The following GRIN2A variants were observed in gnomAD, a reference collection of about 807,000 sequenced individuals.
GRIN2A encodes glutamate receptor ionotropic, NMDA 2A.
Under a neutral mutation model 113.4 loss-of-function variants are expected in GRIN2A, and 22 were observed. The ratio of observed to expected loss-of-function variants is 0.19; its 90% confidence interval spans 0.14 to 0.28. GRIN2A has a LOEUF of 0.28. GRIN2A is among the 10% of genes least tolerant of loss of function. The pLI, the probability that GRIN2A is intolerant of heterozygous loss-of-function variation, is 1.00. For synonymous variants in GRIN2A, 827 were observed against 738.4 expected (o/e 1.12, Z -1.94); for missense variants, 1,502 against 1,887.0 (o/e 0.80, Z 3.78).
intron 2 of GRIN2A, among the ~76,000 whole-genome samples, chr16:10,065,040 A>G (rs1324940080): frequency 1.3e-5 from 2 of 152,220 alleles, no homozygotes; most frequent in African/African-American, 4.8e-5. Flanking sequence ...CATGCAAAAA[A>G]TTACAGGGAA....
chr16:10,169,430 T>A (rs144769475), intron 2 of GRIN2A, among the ~76,000 whole-genome samples: 1 of 152,190 alleles, frequency 6.6e-6, no homozygotes, highest in East Asian at 1.9e-4. Context: ...TCATTGTTGT[T>A]TGAGCAGTGG....
At chr16:10,179,143 C>T (rs1341887771) in intron 2 of GRIN2A, among the ~76,000 whole-genome samples, 1 of 152,152 alleles carries the variant, frequency 6.6e-6, no homozygotes, top group Non-Finnish European at 1.5e-5. Flanking sequence ...AGCTCCCAGG[C>T]TGTCCACAAA....
intron 3 of GRIN2A, among the ~76,000 whole-genome samples, chr16:9,892,862 C>A (rs990447017): frequency 6.9e-6 from 1 of 144,610 alleles, no homozygotes; most frequent in Admixed American, 7.1e-5. Context: ...TTGAAGCATT[C>A]AAAGACTTCC....
rs1300596915 is a variant in GRIN2A, at chr16:9,756,589, GGTT to G, written c.*6557_*6559del. The stretch of plus-strand genomic sequence containing the variant: ...ACTAGCTAATTCTAGTTGCTGACGA[GGTT>G]GAGAAAAACCTGAGCCTCAGTTTCC... On this transcript the variant is annotated 3_prime_UTR_variant, in exon 13 of 13. Coordinates refer to ENST00000330684, the MANE Select transcript of GRIN2A (RefSeq NM_001134407.3). 5.0e-6 allele frequency: 1 copy of G among 200,188 alleles called. No individual in the cohort carries two copies. The highest frequency in any genetic ancestry group is 1.0e-5 in the Non-Finnish European group (1 of 97,118). The allele number at this position is 200,188 out of a possible 1,614,324, so 12.4% of individuals were successfully genotyped here.
intron 2 of GRIN2A, among the ~76,000 whole-genome samples, chr16:10,141,000 C>T (rs979375349): frequency 1.3e-5 from 2 of 151,998 alleles, no homozygotes; most frequent in African/African-American, 2.4e-5. Context: ...TTGAGACCAG[C>T]CTGGGCAACA....
chr16:10,173,595 G>A (rs2050085984), intron 2 of GRIN2A, among the ~76,000 whole-genome samples: 1 of 152,222 alleles, frequency 6.6e-6, no homozygotes, highest in Non-Finnish European at 1.5e-5. Flanking sequence ...CGGAGCCAAT[G>A]ACTAGATTCA....
At chr16:10,092,899 C>T (rs139914856) in intron 2 of GRIN2A, among the ~76,000 whole-genome samples, 7 of 150,236 alleles carry the variant, frequency 4.7e-5, no homozygotes, top group African/African-American at 1.7e-4. Flanking sequence ...AGTGCAATGC[C>T]ACAATCTTGG....
chr16:9,890,897 A>T, intron 4 of GRIN2A, 89 bp downstream of exon 4: 2 of 841,174 alleles, frequency 2.4e-6, no homozygotes, highest in Non-Finnish European at 4.1e-6. Context: ...GCTCAACAGG[A>T]AATGCGTGGG....
At chr16:10,110,703 G>A (rs1425323923) in intron 2 of GRIN2A, among the ~76,000 whole-genome samples, 2 of 152,186 alleles carry the variant, frequency 1.3e-5, no homozygotes, top group Non-Finnish European at 2.9e-5. Flanking sequence ...ATCCTACTCC[G>A]TTTTCCTCCT....
chr16:9,803,648 AT>A (rs1458547499), intron 10 of GRIN2A, among the ~76,000 whole-genome samples: 2 of 152,166 alleles, frequency 1.3e-5, no homozygotes, highest in African/African-American at 4.8e-5. Context: ...GCATTATTAT[AT>A]TTTTTGGTCC....
intron 4 of GRIN2A, among the ~76,000 whole-genome samples, chr16:9,885,932 T>G (rs1336050834): frequency 3.9e-5 from 6 of 152,240 alleles, no homozygotes; most frequent in African/African-American, 1.4e-4. Context: ...ATTGCTATGT[T>G]TCAACAGGAA....
At chr16:10,103,663 T>C (rs1388626421) in intron 2 of GRIN2A, among the ~76,000 whole-genome samples, 1 of 152,174 alleles carries the variant, frequency 6.6e-6, no homozygotes, top group Non-Finnish European at 1.5e-5. Context: ...TCCATATGTA[T>C]GCCGGAATCC....
chr16:10,010,746 C>T lies in GRIN2A; in HGVS notation c.415-72195G>A, dbSNP rs75492076. 2.6e-5 allele frequency among the ~76,000 whole-genome samples: 4 copies of T among 152,222 alleles called. No homozygotes were observed. The East Asian group carries it at 5.8e-4, about 22-fold the overall frequency. ...AGGTTCATGCCTCCACCCCCAGGTA[C>T]GTGCTGAAAAAGGAATATCTCCCCT... On this transcript the variant is annotated intron_variant, in intron 2 of 12. Coordinates refer to ENST00000330684, the MANE Select transcript of GRIN2A (RefSeq NM_001134407.3).
chr16:10,027,175 A>G (rs1300447122), intron 2 of GRIN2A, among the ~76,000 whole-genome samples: 2 of 152,152 alleles, frequency 1.3e-5, no homozygotes, highest in Non-Finnish European at 2.9e-5. Context: ...GTTACATGAG[A>G]AAATAAGTTG....
intron 2 of GRIN2A, among the ~76,000 whole-genome samples, chr16:10,044,022 T>G (rs7199470): frequency 0.045 from 4,863 of 108,010 alleles, 163 homozygotes; most frequent in African/African-American, 0.072. Flanking sequence ...TATATATATA[T>G]AGAGAGAGAG....
intron 2 of GRIN2A, among the ~76,000 whole-genome samples, chr16:10,172,513 A>G (rs976895315): frequency 6.6e-6 from 1 of 152,238 alleles, no homozygotes. Flanking sequence ...TGTATGTAAC[A>G]TAAATGAGTG....
rs192383454 is a variant in GRIN2A at position 10,066,749 on chromosome 16, C to A, written c.414+113249G>T. Among the ~76,000 whole-genome samples the A allele has an allele frequency of 3.5e-3, 530 of 152,202 alleles. 2 individuals are homozygous for A. The highest frequency in any genetic ancestry group is 0.012 in the African/African-American group (486 of 41,516). ...GAGATTGAGAAGGTTAAATGAGATA[C>A]CACGTGTGCAGAGGCCAGCATGGTG... On this transcript the variant is annotated intron_variant, in intron 2 of 12. Coordinates refer to ENST00000330684, the MANE Select transcript of GRIN2A (RefSeq NM_001134407.3).
At chr16:9,766,991 G>T (rs559865289) in intron 12 of GRIN2A, among the ~76,000 whole-genome samples, 8 of 152,216 alleles carry the variant, frequency 5.3e-5, no homozygotes, top group African/African-American at 7.2e-5. Context: ...GTTTTAGATA[G>T]ATAGAGGAAA....
chr16:10,118,845 G>A (rs190780390), intron 2 of GRIN2A, among the ~76,000 whole-genome samples: 9 of 152,270 alleles, frequency 5.9e-5, no homozygotes, highest in East Asian at 1.9e-4. Context: ...CTACTTGATC[G>A]GAAATCATCA....
Sources: gnomAD v4.1 joint callset for allele counts (sites outside exome capture counted in the v4.1 genomes callset) on GRCh38, gnomAD v4.1.1 for gene constraint, MANE v1.5 for transcripts, NCBI Gene and HGNC (gene_info 2026-07-23, HGNC 2026-07-21) for gene names.